Variants in RPS3 observed in about 807,000 individuals in gnomAD.
The protein encoded by RPS3 is ribosomal protein S3.
In RPS3, 2 loss-of-function variants were observed where a neutral mutation model predicts 25.8. The observed-to-expected ratio is 0.08, with a 90% CI of 0.03 to 0.24. The LOEUF is 0.24. Ranked by LOEUF, RPS3 falls within the 10% of genes least tolerant of loss-of-function variation. The pLI, the probability that RPS3 is intolerant of heterozygous loss-of-function variation, is 1.00. For synonymous variants in RPS3, 114 were observed against 114.2 expected (o/e 1.00, Z 0.01); for missense variants, 107 against 307.1 (o/e 0.35, Z 4.87).
chr11:75,411,481 C>A (rs537489701), downstream of RPS3, among the ~76,000 whole-genome samples: 133 of 152,268 alleles, frequency 8.7e-4, no homozygotes, highest in African/African-American at 3.1e-3. Flanking sequence ...GCTCCACCTC[C>A]TGGCTTCACG....
At chr11:75,420,305 C>CT (rs2135074160) in intron 6 of RPS3, among the ~76,000 whole-genome samples, 1 of 152,334 alleles carries the variant, frequency 6.6e-6, no homozygotes, top group South Asian at 2.1e-4. Flanking sequence ...GTGAACCTCT[C>CT]TTATCAGGGA....
chr11:75,404,553 T>G lies in RPS3; in HGVS notation c.539-119T>G. 1.0e-6 allele frequency: 1 copy of G among 960,580 alleles called. No individual in the cohort carries two copies. 59.5% of individuals were successfully genotyped at this position (960,580 alleles called of 1,614,324 possible). A position where few individuals can be genotyped will look rare whatever the true frequency, so the allele number is the denominator to read the frequency against. On this transcript the variant is annotated intron_variant, in intron 5 of 6. Coordinates refer to ENST00000531188, the MANE Select transcript of RPS3 (RefSeq NM_001005.5). The surrounding 1 kb of genome is among the most constrained non-coding windows in gnomAD (Gnocchi z 4.6). ...CTATTTATTGATCGATTTAGAGGCA[T>G]TTGTCTGAGAAGGGTCCAGACCCAG...
chr11:75,415,235 TTGAG>T (rs1406440077), intron 6 of RPS3, among the ~76,000 whole-genome samples: 1 of 152,210 alleles, frequency 6.6e-6, no homozygotes, highest in Non-Finnish European at 1.5e-5. Flanking sequence ...CCAGCACTGA[TTGAG>T]TGGGTGACCT....
chr11:75,399,519 C>T lies in RPS3; in HGVS notation c.-29C>T, dbSNP rs553767972. The stretch of plus-strand genomic sequence containing the variant: ...CTCACTTCCGCCCGCGAGCCACTTC[C>T]TTTCCTTTCAGCGGAGCGCGGCGGC... On this transcript the variant is annotated 5_prime_UTR_variant, in exon 1 of 7. Transcript: ENST00000531188. 8.4e-5 allele frequency: 135 copies of T among 1,613,832 alleles called. No individual in the cohort carries two copies. The highest frequency in any genetic ancestry group is 1.8e-4 in the Admixed American group (11 of 60,020).
At chr11:75,414,235 AT>A (rs1384210392) in intron 6 of RPS3, among the ~76,000 whole-genome samples, 1 of 152,190 alleles carries the variant, frequency 6.6e-6, no homozygotes, top group East Asian at 1.9e-4. Flanking sequence ...ATGTTGTGAA[AT>A]TGTCCTTGGA....
chr11:75,413,200 T>A (rs1449609640), intron 6 of RPS3, among the ~76,000 whole-genome samples: 2 of 152,030 alleles, frequency 1.3e-5, no homozygotes, highest in African/African-American at 2.4e-5. Flanking sequence ...GCAGAGGCGC[T>A]CTCCACTGTG....
At chr11:75,415,975 C>CAAAAAA (rs34006322) in intron 6 of RPS3, among the ~76,000 whole-genome samples, 2 of 54,820 alleles carry the variant, frequency 3.6e-5, no homozygotes, top group African/African-American at 5.7e-5. Flanking sequence ...GATACTCTGT[C>CAAAAAA]AAAAAAAAAA....
rs1948281420 is a variant in RPS3, at chr11:75,405,920, G to C, written c.*310G>C. On this transcript the variant is annotated 3_prime_UTR_variant, in exon 7 of 7. Transcript: ENST00000531188. ...AGTTCAGGATTGTAGGTTTAGAAGAGGGATATGTTTGAGTTTTTCCTATGC... is the reference window on the plus strand; with the variant it reads ...AGTTCAGGATTGTAGGTTTAGAAGACGGATATGTTTGAGTTTTTCCTATGC... The C allele has an allele frequency of 4.7e-6, 1 of 213,352 alleles. No homozygotes were observed. 13.2% of individuals were successfully genotyped at this position (213,352 alleles called of 1,614,324 possible). A position where few individuals can be genotyped will look rare whatever the true frequency, so the allele number is the denominator to read the frequency against.
chr11:75,405,449 A>G (rs1214412632), intron 6 of RPS3, 165 bp from the exon 7 acceptor site: 2 of 325,430 alleles, frequency 6.1e-6, no homozygotes. Flanking sequence ...TTGTCTCTCC[A>G]GGTGCCTTGT....
chr11:75,399,528 C>T lies in RPS3; in HGVS notation c.-20C>T, dbSNP rs755426109. 6.8e-6 allele frequency: 11 copies of T among 1,613,912 alleles called. No individual in the cohort carries two copies. Among genetic ancestry groups the T allele is most frequent in the Middle Eastern group, 1.6e-4 (1 of 6,062 alleles). ...GCCCGCGAGCCACTTCCTTTCCTTT[C>T]AGCGGAGCGCGGCGGCAAGATGGCA... On this transcript the variant is annotated 5_prime_UTR_variant, in exon 1 of 7. Transcript: ENST00000531188.
intron 6 of RPS3, among the ~76,000 whole-genome samples, chr11:75,415,676 G>T (rs1233047859): frequency 6.6e-6 from 1 of 152,074 alleles, no homozygotes; most frequent in Non-Finnish European, 1.5e-5. Flanking sequence ...CTTGGTGGTG[G>T]GTGCCTGTAA....
chr11:75,406,966 G>GT (rs1431586877), downstream of RPS3: 1 of 152,176 alleles, frequency 6.6e-6, no homozygotes, highest in Non-Finnish European at 1.5e-5. Flanking sequence ...TGTATAAGGA[G>GT]TTTAAGCATC....
chr11:75,420,249 T>C (rs1168874111), intron 6 of RPS3, among the ~76,000 whole-genome samples: 1 of 152,186 alleles, frequency 6.6e-6, no homozygotes, highest in Non-Finnish European at 1.5e-5. Context: ...TAACCAATAG[T>C]CCTAGGAGCT....
Position 75,416,459 on chromosome 11 carries a change from TA to T in RPS3, c.*4-5267del, listed in dbSNP as rs770873890. 1.7e-4 allele frequency among the ~76,000 whole-genome samples: 9 copies of T among 52,064 alleles called. 1 individual carries two copies. The highest frequency in any genetic ancestry group is 2.4e-4 in the Non-Finnish European group (5 of 21,236). 34.2% of individuals were successfully genotyped at this position (52,064 alleles called of 152,430 possible). A position where few individuals can be genotyped will look rare whatever the true frequency, so the allele number is the denominator to read the frequency against. On this transcript the variant is annotated intron_variant, in intron 6 of 6. Coordinates refer to the RPS3 transcript ENST00000527446. ...TTCCATTTTCCATCTTGATTATTTC[TA>T]TTTTTTTTTTTTTTTTTTGAGACAA...
rs748718725 is a variant in RPS3 at position 75,404,253 on chromosome 11, T to C, written c.538+46T>C. 1.9e-6 allele frequency: 3 copies of C among 1,564,018 alleles called. No homozygotes were observed. In the South Asian group the frequency reaches 3.4e-5, roughly 18 times the overall value. ...GGCAAAGGGCATTTGTGGACAGATT[T>C]GGTTTTCCACAGACATCTTAAGTAT... On this transcript the variant is annotated intron_variant, in intron 5 of 6. Transcript: ENST00000531188. The surrounding 1 kb of genome is among the most constrained non-coding windows in gnomAD (Gnocchi z 4.6).
intron 6 of RPS3, among the ~76,000 whole-genome samples, chr11:75,412,812 T>C (rs1948368883): frequency 1.3e-5 from 2 of 152,268 alleles, no homozygotes; most frequent in Non-Finnish European, 2.9e-5. Flanking sequence ...AGTCTCGCTC[T>C]ATCGCCCAGG....
At chr11:75,408,221 G>A (rs1948307703), downstream of RPS3, among the ~76,000 whole-genome samples, 1 of 152,154 alleles carries the variant, frequency 6.6e-6, no homozygotes, top group Non-Finnish European at 1.5e-5. Context: ...GCCAAAATAT[G>A]TCCAGCTGTG....
At chr11:75,403,307 C>T (rs370068126) in intron 4 of RPS3, 4 of 152,258 alleles carry the variant, frequency 2.6e-5, no homozygotes, top group Non-Finnish European at 5.9e-5. Flanking sequence ...AACCCCTCCA[C>T]ATGCTGTTTG....
Position 75,415,975 on chromosome 11 carries a change from C to CAA in RPS3, c.*4-5733_*4-5732dup, listed in dbSNP as rs34006322. ...TGGGTGAGAGAGCGAGATACTCTGT[C>CAA]AAAAAAAAAAAAAAAAAAAAGACAT... On this transcript the variant is annotated intron_variant, in intron 6 of 6. Coordinates refer to the RPS3 transcript ENST00000527446. Among the ~76,000 whole-genome samples, 230 of 54,730 alleles carry CAA rather than the reference C, an allele frequency of 4.2e-3. 1 individual carries two copies. The highest frequency in any genetic ancestry group is 0.013 in the Middle Eastern group (1 of 80). The allele number at this position is 54,730 out of a possible 152,430, so 35.9% of individuals were successfully genotyped here. A position where few individuals can be genotyped will look rare whatever the true frequency, so the allele number is the denominator to read the frequency against.
Sources: allele counts gnomAD v4.1 joint callset (sites outside exome capture counted in the v4.1 genomes callset), GRCh38; gene constraint gnomAD v4.1.1; non-coding constraint Gnocchi (gnomAD v3.1); transcripts MANE v1.5; gene names NCBI Gene and HGNC (gene_info 2026-07-23, HGNC 2026-07-21).